Variants in TPRG1 observed in about 807,000 individuals in gnomAD.
TPRG1 encodes tumor protein p63-regulated gene 1 protein.
Under a neutral mutation model 29.3 loss-of-function variants are expected in TPRG1, and 29 were observed. The observed-to-expected ratio is 0.99, with a 90% CI of 0.74 to 1.35. The LOEUF is 1.35. Ranked by LOEUF, TPRG1 falls within the 40% of genes most tolerant of loss-of-function variation. The pLI, the probability that TPRG1 is intolerant of heterozygous loss-of-function variation, is 0.00. For missense variants in TPRG1, 327 were observed against 335.0 expected, an observed-to-expected ratio of 0.98 and a Z score of 0.19; for synonymous variants, 130 against 116.8, an observed-to-expected ratio of 1.11 and a Z score of -0.73.
At chr3:189,247,193 T>C (rs951451733) in intron 4 of TPRG1, among the ~76,000 whole-genome samples, 1 of 152,040 alleles carries the variant, frequency 6.6e-6, no homozygotes, top group Non-Finnish European at 1.5e-5. Context: ...ATAATTTTCG[T>C]TTATCTATCT....
At chr3:189,144,505 G>A (rs938974959) in intron 3 of TPRG1, among the ~76,000 whole-genome samples, 1 of 152,206 alleles carries the variant, frequency 6.6e-6, no homozygotes, top group South Asian at 2.1e-4. Context: ...AACTGGGGGT[G>A]TAGGTGTGGG....
intron 1 of TPRG1, among the ~76,000 whole-genome samples, chr3:189,186,985 GTTTTT>G (rs397875585): frequency 1.1e-5 from 1 of 88,950 alleles, no homozygotes; most frequent in African/African-American, 4.4e-5. Context: ...CATCTAAAGT[GTTTTT>G]TTTTTTTTTT....
Position 189,017,800 on chromosome 3 carries a change from G to A in TPRG1, c.-659-5950G>A, listed in dbSNP as rs527262432. On this transcript the variant is annotated intron_variant, in intron 3 of 10. Coordinates refer to the TPRG1 transcript ENST00000433971. Reference sequence around the variant, plus strand: ...TCTAGTTCTAGATCCCTGAGGAATCGCCACACTGACTTCCACAAGGGATGA... The same window carrying A: ...TCTAGTTCTAGATCCCTGAGGAATCACCACACTGACTTCCACAAGGGATGA... Among the ~76,000 whole-genome samples the A allele has an allele frequency of 1.4e-4, 21 of 152,248 alleles. No individual in the cohort carries two copies. In the East Asian group the frequency reaches 3.7e-3, roughly 27 times the overall value.
At chr3:189,282,563 GTCT>G (rs1455292798) in intron 4 of TPRG1, among the ~76,000 whole-genome samples, 3 of 151,356 alleles carry the variant, frequency 2.0e-5, no homozygotes, top group South Asian at 2.1e-4. Context: ...TTCTCTCTCT[GTCT>G]TCTTCTCTCC....
intron 1 of TPRG1, among the ~76,000 whole-genome samples, chr3:189,175,360 G>T (rs1282229047): frequency 6.6e-6 from 1 of 152,164 alleles, no homozygotes; most frequent in Non-Finnish European, 1.5e-5. Context: ...TATATTTGAA[G>T]GGTAGGAAGC....
chr3:189,254,606 T>C (rs992957200), intron 4 of TPRG1, among the ~76,000 whole-genome samples: 10 of 152,182 alleles, frequency 6.6e-5, no homozygotes, highest in Non-Finnish European at 7.4e-5. Context: ...ATAAATTACT[T>C]TGGGCAGTAC....
At chr3:189,210,714 A>G (rs773454200) in intron 2 of TPRG1, among the ~76,000 whole-genome samples, 1 of 152,210 alleles carries the variant, frequency 6.6e-6, no homozygotes, top group Non-Finnish European at 1.5e-5. Context: ...AAATAAGGCC[A>G]AGAGAAGGGG....
At chr3:189,297,428 G>A (rs111388932) in intron 4 of TPRG1, among the ~76,000 whole-genome samples, 3,909 of 152,064 alleles carry the variant, frequency 0.026, 92 homozygotes, top group Non-Finnish European at 0.038. Flanking sequence ...CCATCCCCGC[G>A]GCCTGAGGAG....
intron 4 of TPRG1, among the ~76,000 whole-genome samples, chr3:189,054,788 C>T (rs1715553492): frequency 6.6e-6 from 1 of 151,910 alleles, no homozygotes; most frequent in Non-Finnish European, 1.5e-5. Context: ...TCTTAAAAAA[C>T]AAAAATCACT....
chr3:189,154,148 C>T (rs1726333183), intron 5 of TPRG1, among the ~76,000 whole-genome samples: 1 of 152,162 alleles, frequency 6.6e-6, no homozygotes, highest in African/African-American at 2.4e-5. Flanking sequence ...TCACCAATAA[C>T]TCACATCATG....
chr3:189,262,267 G>A (rs1299436442), intron 4 of TPRG1, among the ~76,000 whole-genome samples: 2 of 118,802 alleles, frequency 1.7e-5, no homozygotes, highest in East Asian at 4.8e-4. Flanking sequence ...AGACTTGGTA[G>A]AAGTATATGA....
rs11391897 is a variant in TPRG1 at position 189,321,146 on chromosome 3, CT to C, written c.*346del. Reference sequence around the variant, plus strand: ...GTTGCTTCAGCTCTCTAAATGTAGGCTTTTTTTTTTTTTTTTTTTTAGGTCT... The same window carrying C: ...GTTGCTTCAGCTCTCTAAATGTAGGCTTTTTTTTTTTTTTTTTTTAGGTCT... On this transcript the variant is annotated 3_prime_UTR_variant, in exon 6 of 6. Coordinates refer to ENST00000345063, the MANE Select transcript of TPRG1 (RefSeq NM_198485.4). 226 of 113,998 alleles carry C rather than the reference CT, an allele frequency of 2.0e-3. No individual in the cohort carries two copies. Among genetic ancestry groups the C allele is most frequent in the Middle Eastern group, 5.4e-3 (1 of 186 alleles). 7.1% of individuals were successfully genotyped at this position (113,998 alleles called of 1,614,324 possible).
At chr3:189,188,659 C>G (rs1731273897) in intron 1 of TPRG1, among the ~76,000 whole-genome samples, 1 of 152,184 alleles carries the variant, frequency 6.6e-6, no homozygotes, top group Non-Finnish European at 1.5e-5. Context: ...GGGCTTATCT[C>G]TAAGCAAACA....
chr3:189,188,229 G>A (rs911053824), intron 1 of TPRG1, among the ~76,000 whole-genome samples: 3 of 152,020 alleles, frequency 2.0e-5, no homozygotes, highest in Admixed American at 6.6e-5. Context: ...GTTAACAGAC[G>A]TGAGTACCTT....
intron 1 of TPRG1, among the ~76,000 whole-genome samples, chr3:188,999,552 G>A (rs1578175869): frequency 6.6e-6 from 1 of 152,078 alleles, no homozygotes; most frequent in Admixed American, 6.5e-5. Flanking sequence ...TATGGATCTA[G>A]GTTAAAATAA....
At chr3:189,058,365 G>A (rs751810261) in intron 4 of TPRG1, among the ~76,000 whole-genome samples, 5 of 152,046 alleles carry the variant, frequency 3.3e-5, no homozygotes, top group Non-Finnish European at 7.4e-5. Flanking sequence ...GTGTAACGTC[G>A]GTACACAGAA....
At chr3:189,130,213 G>A (rs1722951674) in intron 2 of TPRG1, among the ~76,000 whole-genome samples, 1 of 152,070 alleles carries the variant, frequency 6.6e-6, no homozygotes, top group South Asian at 2.1e-4. Context: ...CGAGTATGTT[G>A]GGTTATAAGC....
intron 1 of TPRG1, among the ~76,000 whole-genome samples, chr3:189,204,943 T>A (rs927553623): frequency 1.1e-5 from 1 of 94,270 alleles, no homozygotes; most frequent in African/African-American, 3.8e-5. Flanking sequence ...TCTCTCTCTC[T>A]CTCTCACACA....
At chr3:189,089,297 C>T (rs1294237818) in intron 4 of TPRG1, among the ~76,000 whole-genome samples, 4 of 152,136 alleles carry the variant, frequency 2.6e-5, no homozygotes, top group Non-Finnish European at 5.9e-5. Flanking sequence ...TCTCTTCTGA[C>T]TACTGGCTAT....
Sources: gnomAD v4.1 joint callset for allele counts (sites outside exome capture counted in the v4.1 genomes callset) on GRCh38, gnomAD v4.1.1 for gene constraint, MANE v1.5 for transcripts, NCBI Gene and HGNC (gene_info 2026-07-23, HGNC 2026-07-21) for gene names.